Variants in PAQR8 observed in about 807,000 individuals in gnomAD.
The protein encoded by PAQR8 is membrane progestin receptor beta.
In PAQR8, 17 loss-of-function variants were observed where a neutral mutation model predicts 25.2. The ratio of observed to expected loss-of-function variants is 0.67; its 90% confidence interval spans 0.46 to 1.01. PAQR8 has a LOEUF of 1.01. Among genes scored for constraint, PAQR8 ranks in the 50% least tolerant of loss-of-function variants. PAQR8 has a pLI of 0.00. For missense variants in PAQR8, 392 were observed against 448.4 expected (o/e 0.87, Z 1.14); for synonymous variants, 204 against 190.6 (o/e 1.07, Z -0.58).
intron 1 of PAQR8, among the ~76,000 whole-genome samples, chr6:52,394,938 A>T (rs1039910946): frequency 6.6e-6 from 1 of 152,122 alleles, no homozygotes; most frequent in Non-Finnish European, 1.5e-5. Flanking sequence ...CCATTAAAAA[A>T]AAAATTTGAA....
chr6:52,364,081 A>ATGTTTTTTT (rs1763322101), intron 1 of PAQR8, among the ~76,000 whole-genome samples: 1 of 39,032 alleles, frequency 2.6e-5, no homozygotes, highest in Non-Finnish European at 5.7e-5. Flanking sequence ...ATTGAAAGAT[A>ATGTTTTTTT]TGTTTTTTTT....
Position 52,371,393 on chromosome 6 carries a change from C to CT in PAQR8, c.-53+9151dup, listed in dbSNP as rs570437231. On this transcript the variant is annotated intron_variant, in intron 1 of 1. Transcript: ENST00000442253. ...GTCTTGCTAGACTTGAATTGGAGCA[C>CT]TTTTTTTCTCCTTTTTACTGTCTAT... 7.2e-5 allele frequency among the ~76,000 whole-genome samples: 11 copies of CT among 152,174 alleles called. No homozygotes were observed. In the South Asian group the frequency reaches 1.5e-3, roughly 20 times the overall value.
rs1468842580 is a variant in PAQR8, at chr6:52,362,961, G to GATGGGA, written c.-53+714_-53+719dup. 6.6e-6 allele frequency among the ~76,000 whole-genome samples: 1 copy of GATGGGA among 152,162 alleles called. No homozygotes were observed. The highest frequency in any genetic ancestry group is 1.5e-5 in the Non-Finnish European group (1 of 68,022). On this transcript the variant is annotated intron_variant, in intron 1 of 1. Transcript: ENST00000442253. The surrounding 1 kb of genome is among the most constrained non-coding windows in gnomAD (Gnocchi z 4.1). Reference sequence around the variant, plus strand: ...ATGGGCGGATGCTGGGGCTTGGCTGGATGGGAACGCCGCGGTGGGGTGTCG... The same window carrying GATGGGA: ...ATGGGCGGATGCTGGGGCTTGGCTGGATGGGAATGGGAACGCCGCGGTGGGGTGTCG...
intron 1 of PAQR8, among the ~76,000 whole-genome samples, chr6:52,378,654 G>T (rs760773236): frequency 6.6e-6 from 1 of 152,090 alleles, no homozygotes; most frequent in Non-Finnish European, 1.5e-5. Context: ...AGCTGGGCGT[G>T]GTGGTGTATG....
At chr6:52,388,842 G>T (rs780997900) in intron 1 of PAQR8, among the ~76,000 whole-genome samples, 1 of 152,224 alleles carries the variant, frequency 6.6e-6, no homozygotes, top group Non-Finnish European at 1.5e-5. Context: ...CAGGGGAGGG[G>T]TTATATCTGA....
rs915047984 is a variant in PAQR8, at chr6:52,407,222, A to C, written c.*2944A>C. 1 of 167,094 alleles carries C rather than the reference A, an allele frequency of 6.0e-6. No homozygotes were observed. The highest frequency in any genetic ancestry group is 1.5e-5 in the Non-Finnish European group (1 of 68,138). 10.4% of individuals were successfully genotyped at this position (167,094 alleles called of 1,614,324 possible). A position where few individuals can be genotyped will look rare whatever the true frequency, so the allele number is the denominator to read the frequency against. Reference sequence around the variant, plus strand: ...ATACCTTTGAAAAAACTAAACTATCAGTCATTTACATCCTCTCATGAATGA... The same window carrying C: ...ATACCTTTGAAAAAACTAAACTATCCGTCATTTACATCCTCTCATGAATGA... On this transcript the variant is annotated 3_prime_UTR_variant, in exon 2 of 2. Coordinates refer to ENST00000442253, the MANE Select transcript of PAQR8 (RefSeq NM_133367.5).
In PAQR8 at chr6:52,407,493, C is replaced by T. The variant is rs1224633899; in HGVS notation, c.*3215C>T. On this transcript the variant is annotated 3_prime_UTR_variant, in exon 2 of 2. Coordinates refer to ENST00000442253, the MANE Select transcript of PAQR8 (RefSeq NM_133367.5). ...ATAGAATGAAGGTAGTTATTCCTGC[C>T]TGTGTTGCCCACCTGTTCACAAAAA... The T allele has an allele frequency of 6.0e-6, 1 of 166,898 alleles. No homozygotes were observed. The highest frequency in any genetic ancestry group is 1.5e-5 in the Non-Finnish European group (1 of 68,092). The allele number at this position is 166,898 out of a possible 1,614,324, so 10.3% of individuals were successfully genotyped here.
chr6:52,406,128 CAAATA>C lies in PAQR8; in HGVS notation c.*1855_*1859del, dbSNP rs1384809053. ...TCTGGTGTCTAGGACAAATTTATGG[CAAATA>C]AAATTAGCAAAACTGAACTGGGTTG... On this transcript the variant is annotated 3_prime_UTR_variant, in exon 2 of 2. Transcript: ENST00000442253. 3 of 183,870 alleles carry C rather than the reference CAAATA, an allele frequency of 1.6e-5. No homozygotes were observed. Among genetic ancestry groups the C allele is most frequent in the Non-Finnish European group, 3.8e-5 (3 of 79,622 alleles). The allele number at this position is 183,870 out of a possible 1,614,324, so 11.4% of individuals were successfully genotyped here. A position where few individuals can be genotyped will look rare whatever the true frequency, so the allele number is the denominator to read the frequency against.
intron 1 of PAQR8, among the ~76,000 whole-genome samples, chr6:52,396,188 G>T (rs992990571): frequency 1.3e-5 from 2 of 152,216 alleles, no homozygotes; most frequent in African/African-American, 4.8e-5. Context: ...AAGAAAACTG[G>T]GAGAGGCAAG....
chr6:52,366,182 A>G (rs1378607912), intron 1 of PAQR8, among the ~76,000 whole-genome samples: 2 of 152,022 alleles, frequency 1.3e-5, no homozygotes, highest in Non-Finnish European at 2.9e-5. Flanking sequence ...ATATATGTAC[A>G]TATATTAGAA....
chr6:52,379,779 A>G (rs1046468901), intron 1 of PAQR8, among the ~76,000 whole-genome samples: 1 of 151,834 alleles, frequency 6.6e-6, no homozygotes, highest in African/African-American at 2.4e-5. Flanking sequence ...GGCGCCTGCT[A>G]CCGCGCCCGG....
chr6:52,400,160 T>G (rs1763813707), intron 1 of PAQR8, among the ~76,000 whole-genome samples: 1 of 152,196 alleles, frequency 6.6e-6, no homozygotes, highest in South Asian at 2.1e-4. Flanking sequence ...TGAGCTTGAG[T>G]TCATAGCCCA....
chr6:52,406,916 T>G lies in PAQR8; in HGVS notation c.*2638T>G. ...TGAGAGGCATTGAGGTAGGAGACTC[T>G]ATGACATGCCCTCAGAATATCAGAA... On this transcript the variant is annotated 3_prime_UTR_variant, in exon 2 of 2. Coordinates refer to ENST00000442253, the MANE Select transcript of PAQR8 (RefSeq NM_133367.5). 1 of 206,528 alleles carries G rather than the reference T, an allele frequency of 4.8e-6. No individual in the cohort carries two copies. The allele number at this position is 206,528 out of a possible 1,614,324, so 12.8% of individuals were successfully genotyped here.
intron 1 of PAQR8, among the ~76,000 whole-genome samples, chr6:52,373,957 G>T (rs944320999): frequency 4.6e-5 from 7 of 152,106 alleles, no homozygotes; most frequent in African/African-American, 1.7e-4. Flanking sequence ...GTTTCTCATG[G>T]CTTCACATCA....
Position 52,404,471 on chromosome 6 carries a change from C to T in PAQR8, c.*193C>T. ...GTTAATAAAAGGAATACTCCTTTTC[C>T]TTTTGGATCATAGCTTAACAAGGCA... On this transcript the variant is annotated 3_prime_UTR_variant, in exon 2 of 2. Transcript: ENST00000442253. 1.7e-6 allele frequency: 1 copy of T among 580,204 alleles called. No individual in the cohort carries two copies. Among genetic ancestry groups the T allele is most frequent in the Non-Finnish European group, 3.0e-6 (1 of 330,068 alleles). The allele number at this position is 580,204 out of a possible 1,614,324, so 35.9% of individuals were successfully genotyped here.
intron 1 of PAQR8, among the ~76,000 whole-genome samples, chr6:52,368,289 A>G (rs1316196700): frequency 6.6e-6 from 1 of 152,198 alleles, no homozygotes; most frequent in Non-Finnish European, 1.5e-5. Flanking sequence ...TCTAGAAACC[A>G]TTGGTACTGT....
chr6:52,394,617 A>C (rs918137005), intron 1 of PAQR8, among the ~76,000 whole-genome samples: 7 of 152,194 alleles, frequency 4.6e-5, no homozygotes, highest in Admixed American at 2.0e-4. Flanking sequence ...CCAGTACCCT[A>C]CGGTGTCCTC....
intron 1 of PAQR8, among the ~76,000 whole-genome samples, chr6:52,389,620 C>A (rs1763674598): frequency 6.6e-6 from 1 of 152,216 alleles, no homozygotes; most frequent in Admixed American, 6.5e-5. Flanking sequence ...AATAAAGTGA[C>A]TTGCTTGACT....
intron 1 of PAQR8, among the ~76,000 whole-genome samples, chr6:52,401,947 C>T (rs1763834795): frequency 6.6e-6 from 1 of 152,128 alleles, no homozygotes; most frequent in African/African-American, 2.4e-5. Flanking sequence ...TAAAGGTTAC[C>T]TTACTTATAA....
Sources: allele counts gnomAD v4.1 joint callset (sites outside exome capture counted in the v4.1 genomes callset), GRCh38; gene constraint gnomAD v4.1.1; non-coding constraint Gnocchi (gnomAD v3.1); transcripts MANE v1.5; gene names NCBI Gene and HGNC (gene_info 2026-07-23, HGNC 2026-07-21).